The following AGBL4 variants were observed in gnomAD, a reference collection of about 807,000 sequenced individuals.
AGBL4 encodes the protein cytosolic carboxypeptidase 6.
In AGBL4, 58 loss-of-function variants were observed where a neutral mutation model predicts 66.4. The ratio of observed to expected loss-of-function variants is 0.87; its 90% confidence interval spans 0.71 to 1.09. AGBL4 has a LOEUF of 1.09. Among genes scored for constraint, AGBL4 ranks in the 50% least tolerant of loss-of-function variants. The pLI is 0.00. For synonymous variants in AGBL4, 234 were observed against 222.9 expected, an observed-to-expected ratio of 1.05 and a Z score of -0.44; for missense variants, 579 against 631.0, an observed-to-expected ratio of 0.92 and a Z score of 0.88.
rs552687342 is a variant in AGBL4 at position 49,504,310 on chromosome 1, C to G, written c.282+193003G>C. Among the ~76,000 whole-genome samples the G allele has an allele frequency of 4.6e-5, 7 of 152,228 alleles. No individual in the cohort carries two copies. In the East Asian group the frequency reaches 1.2e-3, roughly 25 times the overall value. ...TGAGTCAATTAAACCTCTTTCCTTT[C>G]TAAATTACCCAGTCTCAGAGGTATT... On this transcript the variant is annotated intron_variant, in intron 3 of 13. Transcript: ENST00000371839.
intron 1 of AGBL4, among the ~76,000 whole-genome samples, chr1:49,954,369 T>C (rs1341977994): frequency 6.6e-6 from 1 of 151,984 alleles, no homozygotes; most frequent in East Asian, 1.9e-4. Context: ...GGCTCTGCCC[T>C]CATGAAGGAA....
At chr1:49,096,119 C>A (rs1330113811) in intron 4 of AGBL4, among the ~76,000 whole-genome samples, 4 of 151,506 alleles carry the variant, frequency 2.6e-5, no homozygotes, top group East Asian at 1.9e-4. Context: ...CAGAGAAATG[C>A]AAATCAAAAC....
At chr1:48,731,237 G>C (rs1425221273) in intron 6 of AGBL4, among the ~76,000 whole-genome samples, 2 of 151,978 alleles carry the variant, frequency 1.3e-5, no homozygotes, top group Admixed American at 6.5e-5. Flanking sequence ...TATATTGTGG[G>C]ATAGGAGACA....
chr1:49,399,091 T>C (rs935273999), intron 3 of AGBL4, among the ~76,000 whole-genome samples: 5 of 152,166 alleles, frequency 3.3e-5, no homozygotes, highest in Non-Finnish European at 7.4e-5. Context: ...AGTGAAAACA[T>C]GTAAAGTTTG....
At chr1:49,549,055 C>T (rs1055591371) in intron 3 of AGBL4, among the ~76,000 whole-genome samples, 42 of 151,556 alleles carry the variant, frequency 2.8e-4, no homozygotes, top group Admixed American at 1.8e-3. Flanking sequence ...CTAGTTTATG[C>T]GCATAAACTA....
chr1:49,871,989 C>A (rs2148113871), intron 1 of AGBL4, among the ~76,000 whole-genome samples: 1 of 152,156 alleles, frequency 6.6e-6, no homozygotes. Context: ...GAGAGAAAAA[C>A]TTCCAGGATT....
At chr1:50,005,171 G>A (rs946506593) in intron 1 of AGBL4, among the ~76,000 whole-genome samples, 4 of 151,994 alleles carry the variant, frequency 2.6e-5, no homozygotes, top group East Asian at 3.9e-4. Context: ...AGTGGTTATC[G>A]CAGGCCTTTG....
At chr1:49,984,908 T>C (rs1446602432) in intron 1 of AGBL4, among the ~76,000 whole-genome samples, 2 of 151,886 alleles carry the variant, frequency 1.3e-5, no homozygotes, top group East Asian at 3.9e-4. Flanking sequence ...AAAGAGCACA[T>C]AGATTGAGAG....
At chr1:48,844,907 C>T (rs1646878001) in intron 6 of AGBL4, among the ~76,000 whole-genome samples, 1 of 152,128 alleles carries the variant, frequency 6.6e-6, no homozygotes, top group African/African-American at 2.4e-5. Context: ...GCTTAGTGAC[C>T]TCTTTCCTTT....
chr1:49,821,417 A>G (rs755807417), intron 2 of AGBL4, among the ~76,000 whole-genome samples: 2 of 152,212 alleles, frequency 1.3e-5, no homozygotes, highest in Non-Finnish European at 2.9e-5. Context: ...AAATGAGATC[A>G]AGGCTATGAA....
intron 3 of AGBL4, among the ~76,000 whole-genome samples, chr1:49,689,287 T>C (rs1646842214): frequency 6.6e-6 from 1 of 152,208 alleles, no homozygotes; most frequent in Non-Finnish European, 1.5e-5. Flanking sequence ...TTCTTCTGCA[T>C]GTGGATATCC....
rs1177040456 is a variant in AGBL4, at chr1:49,563,720, A to G, written c.282+133593T>C. ...GCTGGATTTGGTTTGCCAGTATTTT[A>G]TTGAGGATTTTTGCATCAATGTTCA... is the stretch of plus-strand genomic sequence containing the variant. On this transcript the variant is annotated intron_variant, in intron 3 of 13. Transcript: ENST00000371839. 2.6e-5 allele frequency among the ~76,000 whole-genome samples: 4 copies of G among 152,140 alleles called. No homozygotes were observed. The East Asian group carries it at 7.7e-4, about 29-fold the overall frequency.
intron 2 of AGBL4, among the ~76,000 whole-genome samples, chr1:49,743,945 C>T (rs1254043460): frequency 6.6e-6 from 1 of 151,148 alleles, no homozygotes; most frequent in East Asian, 2.0e-4. Flanking sequence ...AGGAGATATA[C>T]CTAATGTTAA....
intron 6 of AGBL4, among the ~76,000 whole-genome samples, chr1:48,788,255 C>T (rs540286629): frequency 3.9e-5 from 6 of 152,224 alleles, no homozygotes; most frequent in African/African-American, 1.2e-4. Flanking sequence ...CTTTTTCATT[C>T]TTACCTTCTG....
chr1:48,613,529 A>G (rs562256873), intron 9 of AGBL4, among the ~76,000 whole-genome samples: 2 of 152,338 alleles, frequency 1.3e-5, no homozygotes, highest in South Asian at 4.1e-4. Flanking sequence ...AAGAGTATAT[A>G]TACCCACCAT....
chr1:49,400,585 C>T (rs1189257414), intron 3 of AGBL4, among the ~76,000 whole-genome samples: 1 of 152,026 alleles, frequency 6.6e-6, no homozygotes, highest in Non-Finnish European at 1.5e-5. Flanking sequence ...TTCTCTTCCA[C>T]TTCTTTGGTT....
At chr1:49,479,562 T>C (rs957574547) in intron 3 of AGBL4, among the ~76,000 whole-genome samples, 1 of 151,848 alleles carries the variant, frequency 6.6e-6, no homozygotes, top group Admixed American at 6.6e-5. Flanking sequence ...GGGTATTTGG[T>C]TTTCTGTTCT....
chr1:49,214,445 C>T (rs1015639971), intron 4 of AGBL4, among the ~76,000 whole-genome samples: 3 of 152,206 alleles, frequency 2.0e-5, no homozygotes, highest in Admixed American at 6.5e-5. Flanking sequence ...AGTTCTTTCA[C>T]GGCAGTACAG....
intron 9 of AGBL4, among the ~76,000 whole-genome samples, chr1:48,621,528 GA>G (rs1323327418): frequency 6.6e-6 from 1 of 151,832 alleles, no homozygotes; most frequent in Non-Finnish European, 1.5e-5. Flanking sequence ...AAAAGCAGAG[GA>G]AAAAAAGCAC....
Sources: gnomAD v4.1 joint callset for allele counts (sites outside exome capture counted in the v4.1 genomes callset) on GRCh38, gnomAD v4.1.1 for gene constraint, MANE v1.5 for transcripts, NCBI Gene and HGNC (gene_info 2026-07-23, HGNC 2026-07-21) for gene names.